A2ML1: variants seen among roughly 807,000 people sequenced by gnomAD.
The protein encoded by A2ML1 is alpha-2-macroglobulin-like protein 1.
In A2ML1, 161 loss-of-function variants were observed where a neutral mutation model predicts 181.9. The ratio of observed to expected loss-of-function variants is 0.89; its 90% CI spans 0.78 to 1.01. The LOEUF (loss-of-function observed/expected upper bound fraction) is 1.01. Ranked by LOEUF, A2ML1 falls within the 50% of genes least tolerant of loss-of-function variation. The pLI is 0.00. For missense variants in A2ML1, 1,670 were observed against 1,768.1 expected, an observed-to-expected ratio of 0.94 and a Z score of 1.00; for synonymous variants, 663 against 666.8, an observed-to-expected ratio of 0.99 and a Z score of 0.09.
chr12:8,836,482 T>G (rs1267890872), intron 7 of A2ML1, 143 bp downstream of exon 7: 4 of 49,950 alleles, frequency 8.0e-5, no homozygotes, highest in South Asian at 5.0e-4. Flanking sequence ...ATCCAAGACC[T>G]TTTTTTTTTT....
intron 5 of A2ML1, 83 bp downstream of exon 5, chr12:8,834,765 C>A: frequency 6.4e-7 from 1 of 1,553,304 alleles, no homozygotes; most frequent in Non-Finnish European, 8.9e-7. Context: ...AAGACAGAAG[C>A]AACTCTGAGA....
At chr12:8,846,312 G>A in intron 14 of A2ML1, 90 bp downstream of exon 14, 1 of 1,481,026 alleles carries the variant, frequency 6.8e-7, no homozygotes, top group Non-Finnish European at 9.4e-7. Flanking sequence ...ACAAGTCAGG[G>A]AAAGAAGATA....
intron 33 of A2ML1, among the ~76,000 whole-genome samples, chr12:8,872,880 T>G (rs1420669719): frequency 6.6e-6 from 1 of 152,176 alleles, no homozygotes; most frequent in East Asian, 1.9e-4. Context: ...CTTTAATATC[T>G]GGCTTAATCA....
chr12:8,878,335 C>T (rs1008120303), downstream of A2ML1, among the ~76,000 whole-genome samples: 2 of 152,124 alleles, frequency 1.3e-5, no homozygotes, highest in Non-Finnish European at 2.9e-5. This position sits in a 1 kb window ranked among gnomAD's most constrained non-coding sequence, Gnocchi z 4.4. Flanking sequence ...AGAATGTAAT[C>T]ATGTCCTTTG....
chr12:8,845,756 AG>A (rs1456619485), intron 13 of A2ML1, among the ~76,000 whole-genome samples: 1 of 151,916 alleles, frequency 6.6e-6, no homozygotes, highest in African/African-American at 2.4e-5. Context: ...AGGCTGAGGC[AG>A]GAGAATGGCG....
chr12:8,867,990 A>C lies in A2ML1; in HGVS notation c.3866A>C (p.Asp1289Ala), dbSNP rs1944477915. ...GTTAACAGATTGGTATTTCAGCAGG[A>C]TACCCTGCCCAATGTCCCTGGAATG... ...QSVNRLVFQQDTLPNVPGMYT... is the reference protein window; with the variant it reads ...QSVNRLVFQQATLPNVPGMYT... Residue 1289 changes from aspartate to alanine, a missense_variant, in exon 30 of 36, where the codon GAT (aspartate) becomes GCT (alanine). Asp to Ala is a moderately radical substitution (Grantham distance 126, BLOSUM62 -2). Coordinates refer to ENST00000299698, the MANE Select transcript of A2ML1 (RefSeq NM_144670.6). The C allele has an allele frequency of 6.2e-7, 1 of 1,614,244 alleles. No homozygotes were observed. The highest frequency in any genetic ancestry group is 8.5e-7 in the Non-Finnish European group (1 of 1,180,046).
chr12:8,870,275 C>CAT (rs561505100), intron 33 of A2ML1, among the ~76,000 whole-genome samples: 3 of 149,080 alleles, frequency 2.0e-5, no homozygotes, highest in Non-Finnish European at 4.5e-5. Flanking sequence ...TTTCTTTTTT[C>CAT]TTTTTTTTTT....
At chr12:8,843,393 A>G in intron 12 of A2ML1, 32 bp downstream of exon 12, 1 of 1,599,584 alleles carries the variant, frequency 6.3e-7, no homozygotes, top group Non-Finnish European at 8.6e-7. Flanking sequence ...GGGTGAGAGT[A>G]TGCTGGGAAG....
intron 22 of A2ML1, among the ~76,000 whole-genome samples, chr12:8,855,067 G>A (rs375556694): frequency 6.6e-6 from 1 of 151,990 alleles, no homozygotes; most frequent in Non-Finnish European, 1.5e-5. Flanking sequence ...GCTAATTTTT[G>A]TATTTTTAGT....
At chr12:8,830,979 C>T (rs965572232) in intron 4 of A2ML1, 4 of 149,648 alleles carry the variant, frequency 2.7e-5, no homozygotes, top group Non-Finnish European at 5.9e-5. Context: ...GACAAGGTCT[C>T]ATTCTGTCAC....
downstream of A2ML1, among the ~76,000 whole-genome samples, chr12:8,881,440 G>C (rs73047859): frequency 3.9e-5 from 6 of 152,184 alleles, no homozygotes; most frequent in Non-Finnish European, 8.8e-5. Flanking sequence ...ATTTGTTTAC[G>C]CAGATTCAAG....
intron 5 of A2ML1, 50 bp from the exon 6 acceptor site, chr12:8,835,457 G>C: frequency 3.7e-6 from 6 of 1,607,852 alleles, no homozygotes; most frequent in Non-Finnish European, 5.1e-6. Context: ...TTGCAATGCA[G>C]AGTGGGAAGC....
In A2ML1 at chr12:8,857,596, C is replaced by T; in HGVS notation, c.3107+8C>T. On this transcript the variant is annotated splice_region_variant and intron_variant, in intron 25 of 35. Coordinates refer to ENST00000299698, the MANE Select transcript of A2ML1 (RefSeq NM_144670.6). Reference sequence around the variant, plus strand: ...TGGAAATGGAAACACATGGTAATATCACCCAATTCCCAATGAGTTCTGTAC... The same window carrying T: ...TGGAAATGGAAACACATGGTAATATTACCCAATTCCCAATGAGTTCTGTAC... 2.5e-6 allele frequency: 4 copies of T among 1,607,556 alleles called. No homozygotes were observed. Among genetic ancestry groups the T allele is most frequent in the Non-Finnish European group, 3.4e-6 (4 of 1,176,730 alleles).
intron 33 of A2ML1, among the ~76,000 whole-genome samples, chr12:8,871,431 G>A (rs1944618061): frequency 6.6e-6 from 1 of 152,076 alleles, no homozygotes; most frequent in African/African-American, 2.4e-5. Flanking sequence ...AACAATTTCT[G>A]AAAAGCATGT....
chr12:8,860,831 T>C, intron 26 of A2ML1, 50 bp from the exon 27 acceptor site: 1 of 1,509,854 alleles, frequency 6.6e-7, no homozygotes. Flanking sequence ...ACATAATTCT[T>C]GCAGCTGCTG....
intron 26 of A2ML1, among the ~76,000 whole-genome samples, chr12:8,859,841 C>T (rs2136924947): frequency 6.6e-6 from 1 of 152,196 alleles, no homozygotes; most frequent in South Asian, 2.1e-4. Context: ...GCTGGGATTA[C>T]AAGCGTGACC....
intron 3 of A2ML1, among the ~76,000 whole-genome samples, chr12:8,828,860 G>A (rs1943016595): frequency 6.6e-6 from 1 of 152,136 alleles, no homozygotes; most frequent in Non-Finnish European, 1.5e-5. Flanking sequence ...GGCTAACGCT[G>A]GTCTAAATGC....
chr12:8,850,320 C>T lies in A2ML1; in HGVS notation c.2234+46C>T. On this transcript the variant is annotated intron_variant, in intron 18 of 35. Transcript: ENST00000299698. Reference sequence around the variant, plus strand: ...ACAGTAAAGGGCCAGGTGCATGGCTCACGCCTGTAATCCCAACACTTTGGG... The same window carrying T: ...ACAGTAAAGGGCCAGGTGCATGGCTTACGCCTGTAATCCCAACACTTTGGG... 2.0e-6 allele frequency: 3 copies of T among 1,475,628 alleles called. 1 individual carries two copies. In the South Asian group the frequency reaches 3.7e-5, roughly 18 times the overall value. The allele number at this position is 1,475,628 out of a possible 1,614,324, so 91.4% of individuals were successfully genotyped here. A position where few individuals can be genotyped will look rare whatever the true frequency, so the allele number is the denominator to read the frequency against.
At position 8,823,262 on chromosome 12, in the gene A2ML1, G is replaced by C; in HGVS notation, c.143G>C (p.Ser48Thr). The C allele has an allele frequency of 2.5e-6, 4 of 1,614,130 alleles. No individual in the cohort carries two copies. The highest frequency in any genetic ancestry group is 3.4e-6 in the Non-Finnish European group (4 of 1,180,024). The stretch of plus-strand genomic sequence containing the variant: ...TGTTTGGACCTGAGCCCTGGGTACA[G>C]TGATGTTAAATTCACGGTTACTCTG... ...KVCLDLSPGY[S>T]DVKFTVTLET... is the part of the protein sequence containing the mutation. The change falls in exon 2 of 36, where the codon AGT (serine) becomes ACT (threonine). Residue 48 changes from serine to threonine, a missense_variant. By Grantham distance (58) the Ser-to-Thr change is moderately conservative (BLOSUM62 1). Transcript: ENST00000299698.
Sources: allele counts gnomAD v4.1 joint callset (sites outside exome capture counted in the v4.1 genomes callset), GRCh38; gene constraint gnomAD v4.1.1; non-coding constraint Gnocchi (gnomAD v3.1); transcripts MANE v1.5; gene names NCBI Gene and HGNC (gene_info 2026-07-23, HGNC 2026-07-21).